Variants in USP26 observed in about 807,000 individuals in gnomAD.
USP26 encodes ubiquitin specific peptidase 26.
For missense variants in USP26, 649 were observed against 642.3 expected, an observed-to-expected ratio of 1.01 and a Z score of -0.11; for synonymous variants, 236 against 240.6, an observed-to-expected ratio of 0.98 and a Z score of 0.18.
At chrX:133,087,337 G>A (rs1406364729) in intron 4 of USP26, among the ~76,000 whole-genome samples, 1 of 112,452 alleles carries the variant, frequency 8.9e-6, no homozygotes, top group Non-Finnish European at 1.9e-5. Flanking sequence ...AGAAAGATTA[G>A]TTAGAAGAAC....
At position 133,027,723 on chromosome X, in the gene USP26, T is replaced by C. The variant is rs781660201; in HGVS notation, c.498A>G (p.Thr166=). The C allele has an allele frequency of 4.0e-5, 48 of 1,207,704 alleles. No homozygotes were observed. Among genetic ancestry groups the C allele is most frequent in the Middle Eastern group, 4.6e-4 (2 of 4,366 alleles). Residue 166 remains threonine (T), a synonymous_variant, in exon 6 of 6, where the codon ACA becomes ACG. Transcript: ENST00000511190. ...TTTCTGATAACTCTCCGCAAGTAAG[T>C]GTCAATTTTGATGTAAGCAAAGGCA... ...QRMPLLTSKL[T]LTCGELSENQ...
intron 5 of USP26, among the ~76,000 whole-genome samples, chrX:133,069,897 G>A (rs1483100975): frequency 9.0e-6 from 1 of 111,580 alleles, no homozygotes; most frequent in Non-Finnish European, 1.9e-5. Context: ...GGACAGAAGT[G>A]AAAGGAAGGA....
At chrX:133,082,670 A>G (rs72614195) in intron 5 of USP26, among the ~76,000 whole-genome samples, 2 of 111,983 alleles carry the variant, frequency 1.8e-5, no homozygotes, top group East Asian at 5.6e-4. Flanking sequence ...ATACCCAATG[A>G]GTAGCTGGCT....
At chrX:133,029,058 C>T (rs938461249) in intron 5 of USP26, among the ~76,000 whole-genome samples, 6 of 112,589 alleles carry the variant, frequency 5.3e-5, no homozygotes, top group Non-Finnish European at 9.4e-5. Flanking sequence ...TATTCAAAAC[C>T]AGTGAGGAAG....
chrX:133,045,718 T>G (rs1255028414), intron 5 of USP26: 1 of 110,937 alleles, frequency 9.0e-6, no homozygotes, highest in African/African-American at 3.3e-5. Context: ...AGGAAGAAAC[T>G]CCAAACACAT....
intron 1 of USP26, among the ~76,000 whole-genome samples, chrX:133,096,047 A>ATTTTTTTTTTTTTT (rs779131148): frequency 5.5e-5 from 2 of 36,548 alleles, no homozygotes; most frequent in African/African-American, 1.2e-4. Context: ...GCCCGGCCTA[A>ATTTTTTTTTTTTTT]TTTTTTTTTT....
In USP26 at chrX:133,026,777, T is replaced by C; in HGVS notation, c.1444A>G (p.Thr482Ala). The change falls in exon 6 of 6, where the codon ACT (threonine) becomes GCT (alanine). Residue 482 changes from threonine to alanine, a missense_variant. Transcript: ENST00000511190. ...TCTGCTCCAAAAAAAAGATCAAAAG[T>C]AGACTGAATAGATGAAGGATGTGCT... Reference protein sequence around the residue: ...IKAHPSSIQSTFDLFFGAEEL... With the variant: ...IKAHPSSIQSAFDLFFGAEEL... 1.7e-6 allele frequency: 2 copies of C among 1,210,958 alleles called. No individual in the cohort carries two copies. Among genetic ancestry groups the C allele is most frequent in the Non-Finnish European group, 2.2e-6 (2 of 895,261 alleles).
intron 5 of USP26, among the ~76,000 whole-genome samples, chrX:133,064,911 AC>A: frequency 9.0e-6 from 1 of 111,541 alleles, no homozygotes; most frequent in African/African-American, 3.3e-5. Flanking sequence ...GACACATAAA[AC>A]CTTTCAAAAA....
chrX:133,077,875 A>T (rs952850628), intron 5 of USP26, among the ~76,000 whole-genome samples: 2 of 111,565 alleles, frequency 1.8e-5, no homozygotes, highest in African/African-American at 6.5e-5. Flanking sequence ...TGAGACCAGT[A>T]GTTCTAGACC....
intron 5 of USP26, among the ~76,000 whole-genome samples, chrX:133,057,844 T>TTATATATATACATATATATATATATA (rs2067480364): frequency 6.5e-5 from 2 of 30,659 alleles, no homozygotes; most frequent in African/African-American, 5.4e-4. Flanking sequence ...ATACTTTACA[T>TTATATATATACATATATATATATATA]TATATATATA....
intron 5 of USP26, among the ~76,000 whole-genome samples, chrX:133,043,131 G>A: frequency 9.0e-6 from 1 of 111,640 alleles, no homozygotes; most frequent in Non-Finnish European, 1.9e-5. Context: ...TCAAATTGAA[G>A]GGGGGACCAG....
chrX:133,057,638 G>A (rs980302110), intron 5 of USP26, among the ~76,000 whole-genome samples: 3 of 106,376 alleles, frequency 2.8e-5, no homozygotes, highest in African/African-American at 1.0e-4. Context: ...TCTAAGCATT[G>A]CTTTTGCTAC....
chrX:133,034,261 T>C (rs2067388660), intron 5 of USP26, among the ~76,000 whole-genome samples: 2 of 111,744 alleles, frequency 1.8e-5, no homozygotes, highest in Admixed American at 9.6e-5. Context: ...ACCATAAAGT[T>C]GGAGAAGTAG....
At chrX:133,071,904 A>C (rs1441968879) in intron 5 of USP26, among the ~76,000 whole-genome samples, 7 of 111,511 alleles carry the variant, frequency 6.3e-5, no homozygotes, top group Non-Finnish European at 1.3e-4. Flanking sequence ...CATCATAGGA[A>C]ACCTGGGAAG....
intron 5 of USP26, among the ~76,000 whole-genome samples, chrX:133,071,276 C>T (rs111544232): frequency 0.03 from 3,333 of 110,520 alleles, 76 homozygotes; most frequent in East Asian, 0.1. Context: ...AAAACAAACA[C>T]ACCCCCAACA....
intron 5 of USP26, among the ~76,000 whole-genome samples, chrX:133,049,842 G>A (rs970584075): frequency 3.6e-5 from 4 of 112,069 alleles, no homozygotes; most frequent in African/African-American, 6.5e-5. Context: ...ATAGCCACAA[G>A]GTGATTAATG....
intron 5 of USP26, among the ~76,000 whole-genome samples, chrX:133,074,257 C>T (rs974284010): frequency 8.9e-6 from 1 of 112,323 alleles, no homozygotes; most frequent in Non-Finnish European, 1.9e-5. Context: ...CCTAGCTCAT[C>T]TTATCAGGAA....
At chrX:133,046,689 T>C (rs2067441838) in intron 5 of USP26, among the ~76,000 whole-genome samples, 1 of 111,550 alleles carries the variant, frequency 9.0e-6, no homozygotes, top group Non-Finnish European at 1.9e-5. Context: ...AGAAAATCAA[T>C]GCTTGCACAG....
At chrX:133,071,453 A>G (rs181457927) in intron 5 of USP26, among the ~76,000 whole-genome samples, 122 of 110,236 alleles carry the variant, frequency 1.1e-3, no homozygotes, top group African/African-American at 3.9e-3. Context: ...TAGCTTCCTC[A>G]CACAGGATAT....
Sources: gnomAD v4.1 joint callset for allele counts (sites outside exome capture counted in the v4.1 genomes callset) on GRCh38, gnomAD v4.1.1 for gene constraint, MANE v1.5 for transcripts, NCBI Gene and HGNC (gene_info 2026-07-23, HGNC 2026-07-21) for gene names.